The following PRRC2A variants were observed in gnomAD, a reference collection of about 807,000 sequenced individuals.
PRRC2A encodes proline rich coiled-coil 2A.
In PRRC2A, 59 loss-of-function variants were observed where a neutral mutation model predicts 224.6. The ratio of observed to expected loss-of-function variants is 0.26; its 90% CI spans 0.21 to 0.33. The LOEUF (loss-of-function observed/expected upper bound fraction) is 0.33. Ranked by LOEUF, PRRC2A falls within the 10% of genes least tolerant of loss-of-function variation. The pLI is 1.00. For synonymous variants in PRRC2A, 1,194 were observed against 1,109.5 expected, an observed-to-expected ratio of 1.08 and a Z score of -1.51; for missense variants, 3,095 against 2,880.7, an observed-to-expected ratio of 1.07 and a Z score of -1.70.
Position 31,625,544 on chromosome 6 carries a change from C to T in PRRC2A, c.692C>T (p.Pro231Leu), listed in dbSNP as rs771615196. 7.0e-6 allele frequency: 11 copies of T among 1,575,178 alleles called. No homozygotes were observed. The highest frequency in any genetic ancestry group is 9.5e-6 in the Non-Finnish European group (11 of 1,157,568). ...PDSKLHHGHD[P>L]RGGLQPSGPP... is the part of the protein sequence containing the mutation. ...TCCAAACTTCATCATGGTCATGATCCCCGGGGTGGGCTACAGCCTTCAGGC... is the reference window on the plus strand; with the variant it reads ...TCCAAACTTCATCATGGTCATGATCTCCGGGGTGGGCTACAGCCTTCAGGC... Residue 231 changes from proline to leucine, a missense_variant, in exon 7 of 31, where the codon CCC (proline) becomes CTC (leucine). This residue lies in a region of PRRC2A where 287 missense variants were observed against 275.3 expected (regional missense o/e 1.04). Coordinates refer to ENST00000376033, the MANE Select transcript of PRRC2A (RefSeq NM_004638.4). This position sits in a 1 kb window ranked among gnomAD's most constrained non-coding sequence, Gnocchi z 4.1.
Position 31,636,902 on chromosome 6 carries a change from C to G in PRRC2A, c.6104C>G (p.Pro2035Arg). Residue 2035 changes from proline (P) to arginine (R), a missense_variant, in exon 28 of 31, where the codon CCT becomes CGT. Physicochemically the swap from Pro to Arg is moderately radical, Grantham distance 103. Around this residue, in one of 8 missense-constraint regions of PRRC2A, gnomAD observed 662 missense variants for 609.5 expected, o/e 1.09. Transcript: ENST00000376033. The surrounding 1 kb of genome is among the most constrained non-coding windows in gnomAD (Gnocchi z 4.3). Reference sequence around the variant, plus strand: ...CCTGCTCCTGCTACTCGGGTGCTGCCTTCACCTGCCAGGCCCTTCCCCGCT... The same window carrying G: ...CCTGCTCCTGCTACTCGGGTGCTGCGTTCACCTGCCAGGCCCTTCCCCGCT... ...PPPAPATRVL[P>R]SPARPFPASL... The G allele has an allele frequency of 9.3e-6, 15 of 1,613,042 alleles. No individual in the cohort carries two copies. The highest frequency in any genetic ancestry group is 1.3e-5 in the Non-Finnish European group (15 of 1,180,014).
intron 14 of PRRC2A, among the ~76,000 whole-genome samples, chr6:31,630,303 G>A (rs917628331): frequency 3.4e-5 from 5 of 147,828 alleles, no homozygotes; most frequent in African/African-American, 5.0e-5. Context: ...GGCAACGAGC[G>A]AAACTCCGTC....
intron 5 of PRRC2A, 35 bp downstream of exon 5, chr6:31,624,557 G>A (rs113624525): frequency 6.3e-7 from 1 of 1,576,410 alleles, no homozygotes; most frequent in Non-Finnish European, 8.7e-7. Context: ...GCTGTGTCTG[G>A]GCACCATGGG....
intron 5 of PRRC2A, chr6:31,624,803 C>CT (rs35868191): frequency 0.22 from 98,449 of 442,044 alleles, 979 homozygotes; most frequent in East Asian, 0.28. Flanking sequence ...GAGCCTTCCA[C>CT]TTTTTTTTTT....
At chr6:31,630,863 G>T in intron 15 of PRRC2A, 62 bp downstream of exon 15, 1 of 1,565,740 alleles carries the variant, frequency 6.4e-7, no homozygotes. Context: ...CTGGGAGAAA[G>T]GTACTTTGGG....
At chr6:31,628,386 T>A in intron 12 of PRRC2A, 147 bp downstream of exon 12, 1 of 1,358,826 alleles carries the variant, frequency 7.4e-7, no homozygotes, top group South Asian at 1.5e-5. Context: ...CTATCATTTG[T>A]ATATCTGAAG....
At chr6:31,635,844 G>A in intron 24 of PRRC2A, 95 bp downstream of exon 24, 1 of 1,466,748 alleles carries the variant, frequency 6.8e-7, no homozygotes. Flanking sequence ...ACGTTGCAGA[G>A]TTGTGAGATA....
At position 31,635,199 on chromosome 6, in the gene PRRC2A, G is replaced by C; in HGVS notation, c.5228G>C (p.Arg1743Pro). The C allele has an allele frequency of 6.2e-7, 1 of 1,612,864 alleles. No homozygotes were observed. The highest frequency in any genetic ancestry group is 8.5e-7 in the Non-Finnish European group (1 of 1,178,848). Residue 1743 changes from arginine (R) to proline (P), a missense_variant, in exon 22 of 31, where the codon CGA (arginine) becomes CCA (proline). By Grantham distance (103) the Arg-to-Pro change is moderately radical. Coordinates refer to ENST00000376033, the MANE Select transcript of PRRC2A (RefSeq NM_004638.4). ...IGTERSQRTD[R>P]GTEPGPIRPS... is the part of the protein sequence containing the mutation. ...ACAGAACGATCACAGCGTACAGACC[G>C]AGGCACAGAGCCTGGCCCCATTCGG...
chr6:31,632,685 A>G lies in PRRC2A; in HGVS notation c.4012A>G (p.Lys1338Glu), dbSNP rs746702147. 6.2e-7 allele frequency: 1 copy of G among 1,613,108 alleles called. No homozygotes were observed. Among genetic ancestry groups the G allele is most frequent in the Non-Finnish European group, 8.5e-7 (1 of 1,180,036 alleles). ...CTTCACCAGTGAGCGCCGAGGGGAC[A>G]AAGAGGCACCCCCACCAGTACTGCT... ...SDFTSERRGD[K>E]EAPPPVLLTP... is the part of the protein sequence containing the mutation. Residue 1338 changes from lysine to glutamate, a missense_variant, in exon 16 of 31, where the codon AAA becomes GAA. Transcript: ENST00000376033.
chr6:31,629,027 T>C, intron 12 of PRRC2A, 117 bp from the exon 13 acceptor site: 2 of 1,037,154 alleles, frequency 1.9e-6, no homozygotes, highest in Non-Finnish European at 2.9e-6. Flanking sequence ...ATAGAATAGA[T>C]GTTGAATAGA....
intron 3 of PRRC2A, 137 bp downstream of exon 3, chr6:31,624,046 T>C: frequency 8.4e-7 from 1 of 1,186,986 alleles, no homozygotes; most frequent in Non-Finnish European, 1.2e-6. Context: ...AGGTTCCTTG[T>C]TAAATGACTA....
In PRRC2A at chr6:31,627,015, G is replaced by T. The variant is rs1011465718; in HGVS notation, c.1107G>T (p.Arg369=). ...CCCAATCAGCTTCTGGTGAGGAACG[G>T]CCCCCTGAAGCAGATGGCAAAAAGG... ...RDSQSASGEE[R]PPEADGKKGN... Residue 369 remains arginine, a synonymous_variant, in exon 11 of 31, where the codon CGG becomes CGT. Coordinates refer to ENST00000376033, the MANE Select transcript of PRRC2A (RefSeq NM_004638.4). The surrounding 1 kb of genome is among the most constrained non-coding windows in gnomAD (Gnocchi z 5.6). 16 of 1,614,042 alleles carry T rather than the reference G, an allele frequency of 9.9e-6. No individual in the cohort carries two copies. Among genetic ancestry groups the T allele is most frequent in the Admixed American group, 3.3e-5 (2 of 60,006 alleles).
At position 31,625,646 on chromosome 6, in the gene PRRC2A, C is replaced by T. The variant is rs1775823490; in HGVS notation, c.759+35C>T. 1.2e-6 allele frequency: 2 copies of T among 1,604,142 alleles called. No individual in the cohort carries two copies. Among genetic ancestry groups the T allele is most frequent in the African/African-American group, 1.3e-5 (1 of 74,636 alleles). ...GGTGTCTTGTCTTGGAACGATTACA[C>T]TGGAAGCTGGAGAGCTAGGAATCAG... On this transcript the variant is annotated intron_variant, in intron 7 of 30. Coordinates refer to ENST00000376033, the MANE Select transcript of PRRC2A (RefSeq NM_004638.4). This position sits in a 1 kb window ranked among gnomAD's most constrained non-coding sequence, Gnocchi z 4.1.
In PRRC2A at chr6:31,627,909, C is replaced by G. The variant is rs1354850913; in HGVS notation, c.1435C>G (p.Gln479Glu). 2 of 1,612,932 alleles carry G rather than the reference C, an allele frequency of 1.2e-6. No homozygotes were observed. Among genetic ancestry groups the G allele is most frequent in the Admixed American group, 3.3e-5 (2 of 60,022 alleles). The change falls in exon 12 of 31, where the codon CAA becomes GAA. Residue 479 changes from glutamine (Q) to glutamate (E), a missense_variant. Physicochemically the swap from Gln to Glu is conservative, Grantham distance 29 (BLOSUM62 2). Coordinates refer to ENST00000376033, the MANE Select transcript of PRRC2A (RefSeq NM_004638.4). The surrounding 1 kb of genome is among the most constrained non-coding windows in gnomAD (Gnocchi z 5.6). ...RRREEEERRM[Q>E]EERRAACAEK... ...GCGAGAAGAAGAGGAGCGGCGCATG[C>G]AAGAAGAGCGCCGGGCAGCCTGTGC...
intron 29 of PRRC2A, 38 bp from the exon 30 acceptor site, chr6:31,637,196 G>A: frequency 6.2e-7 from 1 of 1,606,810 alleles, no homozygotes; most frequent in Non-Finnish European, 8.5e-7. Flanking sequence ...ACCAGGGTCT[G>A]GATCCTAGGC....
At chr6:31,629,951 A>G in intron 14 of PRRC2A, 106 bp downstream of exon 14, 1 of 1,520,864 alleles carries the variant, frequency 6.6e-7, no homozygotes, top group Non-Finnish European at 8.9e-7. Context: ...TGCCCATCAT[A>G]GTGATGAGGG....
chr6:31,634,606 TGGTCATACCC>T (rs1777094949), intron 20 of PRRC2A, 49 bp downstream of exon 20: 1 of 1,599,076 alleles, frequency 6.3e-7, no homozygotes, highest in Non-Finnish European at 8.5e-7. Flanking sequence ...TTTTGAGCAC[TGGTCATACCC>T]CCCACCTGCT....
chr6:31,633,036 GA>G, intron 16 of PRRC2A, 44 bp downstream of exon 16: 2 of 1,461,438 alleles, frequency 1.4e-6, no homozygotes, highest in Middle Eastern at 1.8e-4. Flanking sequence ...AAAATTGGAG[GA>G]GGGGGAAAAA....
rs1246202209 is a variant in PRRC2A, at chr6:31,636,586, C to T, written c.5912C>T (p.Pro1971Leu). 2 of 1,605,552 alleles carry T rather than the reference C, an allele frequency of 1.2e-6. No individual in the cohort carries two copies. Among genetic ancestry groups the T allele is most frequent in the South Asian group, 1.1e-5 (1 of 89,990 alleles). The change falls in exon 27 of 31, where the codon CCT (proline) becomes CTT (leucine). Residue 1971 changes from proline to leucine, a missense_variant. Pro to Leu is a moderately conservative substitution (Grantham distance 98). Around this residue, in one of 8 missense-constraint regions of PRRC2A, gnomAD observed 662 missense variants for 609.5 expected, o/e 1.09. Coordinates refer to ENST00000376033, the MANE Select transcript of PRRC2A (RefSeq NM_004638.4). This position sits in a 1 kb window ranked among gnomAD's most constrained non-coding sequence, Gnocchi z 4.3. ...CCTGGTGGCCAAAGTGGCTTTCTCC[C>T]TTCAGGGGCTCCTGCCCAGCAGGTA... is the stretch of plus-strand genomic sequence containing the variant. ...LQPGGQSGFL[P>L]SGAPAQQMLL...
Sources: allele counts gnomAD v4.1 joint callset (sites outside exome capture counted in the v4.1 genomes callset), GRCh38; gene constraint gnomAD v4.1.1; regional missense constraint gnomAD v4.1.1; non-coding constraint Gnocchi (gnomAD v3.1); transcripts MANE v1.5; gene names NCBI Gene and HGNC (gene_info 2026-07-23, HGNC 2026-07-21).